SFR1: variants seen among roughly 807,000 people sequenced by gnomAD.
SFR1 encodes the protein swi5-dependent recombination DNA repair protein 1 homolog.
SFR1 carries 24 observed loss-of-function variants against 26.2 expected under a neutral mutation model. That is an observed-to-expected ratio of 0.92 (90% CI 0.66 to 1.29). SFR1 has a LOEUF of 1.29. SFR1 is among the 50% of genes most tolerant of loss of function. The pLI is 0.00. For missense variants in SFR1, 276 were observed against 270.2 expected (o/e 1.02, Z -0.15); for synonymous variants, 77 against 96.6 (o/e 0.80, Z 1.19).
At chr10:104,122,697 A>T (rs1246232163) in intron 1 of SFR1, 1 of 1,375,528 alleles carries the variant, frequency 7.3e-7, no homozygotes, top group Admixed American at 3.0e-5. Context: ...GAATTTGAAT[A>T]TATTTTGGTG....
upstream of SFR1, among the ~76,000 whole-genome samples, chr10:104,120,717 G>A (rs1196920695): frequency 6.6e-6 from 1 of 152,156 alleles, no homozygotes; most frequent in Non-Finnish European, 1.5e-5. Context: ...TGAAGAAACT[G>A]AGGCACAGAA....
intron 1 of SFR1, 79 bp from the exon 2 acceptor site, chr10:104,122,886 A>G (rs1236012814): frequency 1.3e-6 from 2 of 1,580,020 alleles, no homozygotes; most frequent in Non-Finnish European, 8.6e-7. Flanking sequence ...TTTGTACACC[A>G]ATACAATATA....
At chr10:104,122,148 G>A (rs894098562), upstream of SFR1, 68 of 1,546,996 alleles carry the variant, frequency 4.4e-5, no homozygotes, top group Non-Finnish European at 5.2e-5. Flanking sequence ...TCGATTTACG[G>A]CCGCAGGTGC....
chr10:104,123,950 C>A lies in SFR1; in HGVS notation c.372C>A (p.Val124=). The part of the protein sequence containing the change: ...NLKNTLKNLN[V]CESQSLDSGS... The stretch of plus-strand genomic sequence containing the variant: ...AAAATACTTTGAAGAATCTCAATGT[C>A]TGTGAATCTCAGTCACTTGATTCTG... The change falls in exon 3 of 4, where the codon GTC becomes GTA. Residue 124 remains valine, a synonymous_variant. Coordinates refer to ENST00000369727, the MANE Select transcript of SFR1 (RefSeq NM_001002759.2). The A allele has an allele frequency of 6.2e-7, 1 of 1,613,732 alleles. No individual in the cohort carries two copies. The highest frequency in any genetic ancestry group is 8.5e-7 in the Non-Finnish European group (1 of 1,179,804).
intron 3 of SFR1, among the ~76,000 whole-genome samples, chr10:104,124,991 T>C (rs1376506965): frequency 6.6e-6 from 1 of 151,970 alleles, no homozygotes; most frequent in Non-Finnish European, 1.5e-5. Context: ...TTTGTAGACA[T>C]AGAGTCTTGC....
At position 104,123,889 on chromosome 10, in the gene SFR1, A is replaced by G. The variant is rs1411984815; in HGVS notation, c.311A>G (p.His104Arg). 3.1e-6 allele frequency: 5 copies of G among 1,613,130 alleles called. No homozygotes were observed. The East Asian group carries it at 1.1e-4, about 36-fold the overall frequency. The change falls in exon 3 of 4, where the codon CAT becomes CGT. Residue 104 changes from histidine (H) to arginine (R), a missense_variant. His to Arg is a conservative substitution (Grantham distance 29, BLOSUM62 0). Coordinates refer to ENST00000369727, the MANE Select transcript of SFR1 (RefSeq NM_001002759.2). ...TTGGAATTTCAAGAAAGTTTTAAACATATAGACAGTGAATTTGAAGAAAAT... is the reference window on the plus strand; with the variant it reads ...TTGGAATTTCAAGAAAGTTTTAAACGTATAGACAGTGAATTTGAAGAAAAT... ...NCLEFQESFK[H>R]IDSEFEENTN...
Position 104,122,204 on chromosome 10 carries a change from G to A in SFR1, c.13+8G>A, listed in dbSNP as rs1327878180. On this transcript the variant is annotated splice_region_variant and intron_variant, in intron 1 of 3. Transcript: ENST00000369727. ...TGGGAATGGCGGAGGGAGGTACCCTGCTGAGGGGAAGGGGGGATCCCTGAC... is the reference window on the plus strand; with the variant it reads ...TGGGAATGGCGGAGGGAGGTACCCTACTGAGGGGAAGGGGGGATCCCTGAC... 1.3e-6 allele frequency: 2 copies of A among 1,543,264 alleles called. No individual in the cohort carries two copies. The highest frequency in any genetic ancestry group is 8.7e-7 in the Non-Finnish European group (1 of 1,143,516).
upstream of SFR1, among the ~76,000 whole-genome samples, chr10:104,121,142 G>A (rs542527794): frequency 3.3e-5 from 5 of 152,080 alleles, no homozygotes; most frequent in South Asian, 8.3e-4. Flanking sequence ...GGATGCTGCT[G>A]CCCGGTAGCC....
intron 1 of SFR1, 36 bp downstream of exon 1, chr10:104,122,232 C>T: frequency 2.6e-6 from 4 of 1,522,086 alleles, no homozygotes; most frequent in Non-Finnish European, 3.5e-6. Flanking sequence ...TCCCTGACAC[C>T]TGGGCTTCCC....
chr10:104,122,358 G>A (rs2086973463), intron 1 of SFR1, 162 bp downstream of exon 1: 25 of 985,368 alleles, frequency 2.5e-5, no homozygotes, highest in Middle Eastern at 5.2e-4. Context: ...GGGGGAAGGA[G>A]GGGACGACTC....
chr10:104,121,914 G>T, upstream of SFR1: 1 of 423,092 alleles, frequency 2.4e-6, no homozygotes, highest in Non-Finnish European at 4.3e-6. Flanking sequence ...CGCTGCTCTC[G>T]GGCGCTGGGC....
intron 2 of SFR1, 55 bp downstream of exon 2, chr10:104,123,141 G>T (rs1275215591): frequency 1.5e-6 from 2 of 1,361,616 alleles, no homozygotes; most frequent in Non-Finnish European, 2.0e-6. Context: ...AAGTATTGTG[G>T]CAGTGGTGGT....
At position 104,123,019 on chromosome 10, in the gene SFR1, T is replaced by C; in HGVS notation, c.68T>C (p.Val23Ala). The C allele has an allele frequency of 6.2e-7, 1 of 1,613,824 alleles. No homozygotes were observed. Among genetic ancestry groups the C allele is most frequent in the Non-Finnish European group, 8.5e-7 (1 of 1,179,938 alleles). ...GAAAGTCCGTCAGACTCAGCTGTGG[T>C]TTTACCTAGCACTCCTCAGGCCTCT... Reference protein sequence around the residue: ...KMESPSDSAVVLPSTPQASAN... With the variant: ...KMESPSDSAVALPSTPQASAN... Residue 23 changes from valine to alanine, a missense_variant, in exon 2 of 4, where the codon GTT (valine) becomes GCT (alanine). Transcript: ENST00000369727.
upstream of SFR1, chr10:104,122,030 A>G: frequency 2.4e-6 from 2 of 830,284 alleles, no homozygotes; most frequent in South Asian, 3.2e-5. Context: ...GCGCGCGCGC[A>G]GTCCCACCGC....
chr10:104,123,300 G>C (rs2086988172), intron 2 of SFR1: 1 of 490,390 alleles, frequency 2.0e-6, no homozygotes, highest in Non-Finnish European at 3.6e-6. Context: ...ATTCATTTCA[G>C]TTAGTTTCAG....
intron 1 of SFR1, chr10:104,122,463 A>G (rs2086975119): frequency 2.0e-6 from 2 of 985,318 alleles, no homozygotes; most frequent in African/African-American, 1.7e-5. Flanking sequence ...CGCTTAAACT[A>G]AAAGGCTACA....
chr10:104,122,141 A>G, upstream of SFR1: 2 of 1,546,588 alleles, frequency 1.3e-6, no homozygotes, highest in East Asian at 2.5e-5. Flanking sequence ...CACAGGATCG[A>G]TTTACGGCCG....
In SFR1 at chr10:104,124,044, A is replaced by G. The variant is rs1239027553; in HGVS notation, c.466A>G (p.Lys156Glu). 3 of 1,614,034 alleles carry G rather than the reference A, an allele frequency of 1.9e-6. No homozygotes were observed. The highest frequency in any genetic ancestry group is 1.1e-5 in the South Asian group (1 of 91,070). Residue 156 changes from lysine (K) to glutamate (E), a missense_variant, in exon 3 of 4, where the codon AAA becomes GAA. Transcript: ENST00000369727. Reference sequence around the variant, plus strand: ...TCCTAAACAAAGATTAAACGCTGAAAAAGCCAAATTGGTGAAGCAGGTTCA... The same window carrying G: ...TCCTAAACAAAGATTAAACGCTGAAGAAGCCAAATTGGTGAAGCAGGTTCA... ...KLPKQRLNAE[K>E]AKLVKQVQEK...
intron 1 of SFR1, 27 bp from the exon 2 acceptor site, chr10:104,122,938 G>C: frequency 6.2e-7 from 1 of 1,608,414 alleles, no homozygotes; most frequent in Non-Finnish European, 8.5e-7. Flanking sequence ...TGGTTAATTC[G>C]ATTATTTTAT....
Sources: gnomAD v4.1 joint callset for allele counts (sites outside exome capture counted in the v4.1 genomes callset) on GRCh38, gnomAD v4.1.1 for gene constraint, MANE v1.5 for transcripts, NCBI Gene and HGNC (gene_info 2026-07-23, HGNC 2026-07-21) for gene names.